BTBD19: variants seen among roughly 807,000 people sequenced by gnomAD.
BTBD19 encodes the protein BTB/POZ domain-containing protein 19.
Under a neutral mutation model 36.1 loss-of-function variants are expected in BTBD19, and 20 were observed. That is an observed-to-expected ratio of 0.55 (90% CI 0.39 to 0.80). The LOEUF is 0.80. Ranked by LOEUF, BTBD19 falls within the 30% of genes least tolerant of loss-of-function variation. BTBD19 has a pLI of 0.00. For synonymous variants in BTBD19, 157 were observed against 174.3 expected, an observed-to-expected ratio of 0.90 and a Z score of 0.78; for missense variants, 325 against 389.8, an observed-to-expected ratio of 0.83 and a Z score of 1.40.
chr1:44,810,031 C>T lies in BTBD19; in HGVS notation c.87-182C>T, dbSNP rs180844203. ...TAGGAAGTCACTTGCCTATGGTACC[C>T]ATTAGGTGGAGCTGGGACTAGAACT... On this transcript the variant is annotated intron_variant, in intron 1 of 7. Coordinates refer to ENST00000450269, the Ensembl canonical transcript of BTBD19. The surrounding 1 kb of genome is among the most constrained non-coding windows in gnomAD (Gnocchi z 4.2). Among the ~76,000 whole-genome samples, 1 of 152,340 alleles carries T rather than the reference C, an allele frequency of 6.6e-6. No individual in the cohort carries two copies. The highest frequency in any genetic ancestry group is 1.9e-4 in the East Asian group (1 of 5,190).
At chr1:44,809,824 A>G (rs1165919254) in intron 1 of BTBD19, among the ~76,000 whole-genome samples, 1 of 152,162 alleles carries the variant, frequency 6.6e-6, no homozygotes, top group Admixed American at 6.5e-5. Context: ...CTGGTGGAGG[A>G]GGAGCCAAAA....
chr1:44,811,898 T>C lies in BTBD19; in HGVS notation c.355-141T>C, dbSNP rs1056295759. The C allele has an allele frequency of 5.4e-6, 3 of 560,102 alleles. No homozygotes were observed. In the African/African-American group the frequency reaches 5.8e-5, roughly 11 times the overall value. 34.7% of individuals were successfully genotyped at this position (560,102 alleles called of 1,614,324 possible). A position where few individuals can be genotyped will look rare whatever the true frequency, so the allele number is the denominator to read the frequency against. Reference sequence around the variant, plus strand: ...GCTGTCTCAGGCTCTAGCAATTCCCTGCCTCCCCTGGCCTGGGTCAGGATG... The same window carrying C: ...GCTGTCTCAGGCTCTAGCAATTCCCCGCCTCCCCTGGCCTGGGTCAGGATG... On this transcript the variant is annotated intron_variant, in intron 3 of 7. Transcript: ENST00000450269.
At chr1:44,812,534 T>C (rs1405718432) in intron 4 of BTBD19, 9 of 437,866 alleles carry the variant, frequency 2.1e-5, no homozygotes, top group African/African-American at 6.1e-5. Flanking sequence ...TGAAACCCTG[T>C]CTCTATTAAA....
In BTBD19 at chr1:44,813,064, G is replaced by A. The variant is rs1339055873; in HGVS notation, c.483G>A (p.Gln161=). The A allele has an allele frequency of 1.3e-6, 2 of 1,551,188 alleles. No homozygotes were observed. The highest frequency in any genetic ancestry group is 8.7e-7 in the Non-Finnish European group (1 of 1,146,614). The change falls in exon 5 of 8, where the codon CAG becomes CAA. Residue 161 remains glutamine (Q), a splice_region_variant and synonymous_variant. Transcript: ENST00000450269. This position sits in a 1 kb window ranked among gnomAD's most constrained non-coding sequence, Gnocchi z 7.8. ...TGGCTTTCATAGAGGCCCACAGCCAGGTACTGCTCCCTTCATACTCCTCAC... is the reference window on the plus strand; with the variant it reads ...TGGCTTTCATAGAGGCCCACAGCCAAGTACTGCTCCCTTCATACTCCTCAC...
Position 44,813,705 on chromosome 1 carries a change from C to G in BTBD19, c.809C>G (p.Pro270Arg), listed in dbSNP as rs1470507552. The G allele has an allele frequency of 1.9e-6, 3 of 1,551,312 alleles. No individual in the cohort carries two copies. Among genetic ancestry groups the G allele is most frequent in the Admixed American group, 3.9e-5 (2 of 50,982 alleles). Residue 270 changes from proline to arginine, a missense_variant, in exon 8 of 8, where the codon CCG becomes CGG. Pro to Arg is a moderately radical substitution (Grantham distance 103). Coordinates refer to ENST00000450269, the Ensembl canonical transcript of BTBD19. The surrounding 1 kb of genome is among the most constrained non-coding windows in gnomAD (Gnocchi z 7.8). The stretch of plus-strand genomic sequence containing the variant: ...AGAGGGGATGAGGCCCGGGGCGCCC[C>G]GTGTCGCCGCCGGAGAGGCACCCTG...
At chr1:44,808,928 C>T (rs1225799261) in intron 1 of BTBD19, 22 bp downstream of exon 1, 28 of 1,517,416 alleles carry the variant, frequency 1.8e-5, no homozygotes, top group Middle Eastern at 1.7e-4. Context: ...GCCCTGCCTG[C>T]GGGTTTTTCT....
At chr1:44,809,109 G>C (rs926705541) in intron 1 of BTBD19, among the ~76,000 whole-genome samples, 1 of 152,160 alleles carries the variant, frequency 6.6e-6, no homozygotes, top group Non-Finnish European at 1.5e-5. Context: ...GGCAAGGCTG[G>C]CGGGGTGGAG....
At chr1:44,814,168 T>TTCTG (rs1257328222), downstream of BTBD19, 73 of 138,136 alleles carry the variant, frequency 5.3e-4, no homozygotes, top group Admixed American at 9.9e-4. Context: ...CTTTCTTTCT[T>TTCTG]TCTTTCTTTC....
exon 1 of BTBD19, chr1:44,808,556 C>T (rs1652242314): frequency 5.9e-6 from 2 of 340,332 alleles, no homozygotes; most frequent in Non-Finnish European, 1.1e-5. Context: ...CGCCGCCAGC[C>T]AGCCAGCTTC....
In BTBD19 at chr1:44,810,720, G is replaced by A. The variant is rs1652371263; in HGVS notation, c.354+113G>A. 1 of 1,065,640 alleles carries A rather than the reference G, an allele frequency of 9.4e-7. No homozygotes were observed. The highest frequency in any genetic ancestry group is 1.6e-5 in the African/African-American group (1 of 62,172). 66.0% of individuals were successfully genotyped at this position (1,065,640 alleles called of 1,614,324 possible). Reference sequence around the variant, plus strand: ...AGAGGAACGTGTGCCCACACAGAGAGAAGTATGTATATCTCTCCCAAGTAA... The same window carrying A: ...AGAGGAACGTGTGCCCACACAGAGAAAAGTATGTATATCTCTCCCAAGTAA... On this transcript the variant is annotated intron_variant, in intron 3 of 7. Coordinates refer to ENST00000450269, the Ensembl canonical transcript of BTBD19. The surrounding 1 kb of genome is among the most constrained non-coding windows in gnomAD (Gnocchi z 4.2).
chr1:44,815,514 G>A (rs1223711906), downstream of BTBD19: 6 of 152,114 alleles, frequency 3.9e-5, no homozygotes, highest in Non-Finnish European at 7.3e-5. Flanking sequence ...TGTCTTACTC[G>A]TTTCTGCTTC....
intron 4 of BTBD19, 81 bp downstream of exon 4, chr1:44,812,179 G>T: frequency 9.3e-7 from 1 of 1,069,630 alleles, no homozygotes; most frequent in Non-Finnish European, 1.3e-6. Context: ...GCCTGGGCCT[G>T]CTGTGTCTGG....
intron 4 of BTBD19, 129 bp downstream of exon 4, chr1:44,812,227 G>A (rs1652450478): frequency 1.6e-5 from 10 of 620,338 alleles, no homozygotes; most frequent in South Asian, 1.2e-4. Flanking sequence ...TGGTGGGGGT[G>A]CTCCAAGGAT....
At chr1:44,812,933 A>G in intron 4 of BTBD19, 63 bp from the exon 5 acceptor site, 1 of 1,429,258 alleles carries the variant, frequency 7.0e-7, no homozygotes, top group Non-Finnish European at 9.5e-7. Flanking sequence ...GGTGGGTCCC[A>G]GTGAGCAGGC....
rs1652565352 is a variant in BTBD19 at position 44,813,951 on chromosome 1, T to A, written c.*179T>A. The A allele has an allele frequency of 1.9e-6, 2 of 1,042,830 alleles. No homozygotes were observed. 64.6% of individuals were successfully genotyped at this position (1,042,830 alleles called of 1,614,324 possible). A position where few individuals can be genotyped will look rare whatever the true frequency, so the allele number is the denominator to read the frequency against. On this transcript the variant is annotated 3_prime_UTR_variant, in exon 8 of 8. Transcript: ENST00000450269. This position sits in a 1 kb window ranked among gnomAD's most constrained non-coding sequence, Gnocchi z 7.8. ...CCCCTTGTGCGGGATCAAGCCCGTG[T>A]GGGCGAGGTGGGGTCGGGCCGGGCA...
In BTBD19 at chr1:44,813,355, T is replaced by A; in HGVS notation, c.616-19T>A. 2 of 1,544,284 alleles carry A rather than the reference T, an allele frequency of 1.3e-6. No individual in the cohort carries two copies. Among genetic ancestry groups the A allele is most frequent in the African/African-American group, 1.4e-5 (1 of 73,156 alleles). On this transcript the variant is annotated intron_variant, in intron 6 of 7. Coordinates refer to ENST00000450269, the Ensembl canonical transcript of BTBD19. The surrounding 1 kb of genome is among the most constrained non-coding windows in gnomAD (Gnocchi z 7.8). ...GCGGGCGGCAGGACAGGTGCCCGAC[T>A]CAGGGCTGGCGTTTGCAGGCGGTGC...
At position 44,810,393 on chromosome 1, in the gene BTBD19, A is replaced by C; in HGVS notation, c.267A>C (p.Leu89=). 2 of 1,551,566 alleles carry C rather than the reference A, an allele frequency of 1.3e-6. No individual in the cohort carries two copies. Among genetic ancestry groups the C allele is most frequent in the Non-Finnish European group, 1.7e-6 (2 of 1,146,942 alleles). The change falls in exon 2 of 8, where the codon CTA becomes CTC. Residue 89 remains leucine, a synonymous_variant. Transcript: ENST00000450269. The surrounding 1 kb of genome is among the most constrained non-coding windows in gnomAD (Gnocchi z 4.2). ...CCTTCCTGGCAGTGCTGGAGTTCCT[A>C]TATACCAACAGTGTCAAGCTGTACC...
At position 44,813,771 on chromosome 1, in the gene BTBD19, G is replaced by A. The variant is rs1652552997; in HGVS notation, c.875G>A (p.Ter292=). The A allele has an allele frequency of 6.4e-7, 1 of 1,551,284 alleles. No individual in the cohort carries two copies. Among genetic ancestry groups the A allele is most frequent in the African/African-American group, 1.4e-5 (1 of 73,032 alleles). Residue 292 remains the stop codon, a stop_retained_variant, in exon 8 of 8, where the codon TGA becomes TAA. Transcript: ENST00000450269. The surrounding 1 kb of genome is among the most constrained non-coding windows in gnomAD (Gnocchi z 7.8). ...CGCTTTCTGGACCTGTCCTTCAAAT[G>A]ATCCAACGCCGGGACTCGCAGGGAG... is the stretch of plus-strand genomic sequence containing the variant.
rs1652559552 is a variant in BTBD19 at position 44,813,878 on chromosome 1, G to A, written c.*106G>A. On this transcript the variant is annotated 3_prime_UTR_variant, in exon 8 of 8. Coordinates refer to ENST00000450269, the Ensembl canonical transcript of BTBD19. This position sits in a 1 kb window ranked among gnomAD's most constrained non-coding sequence, Gnocchi z 7.8. ...TTCGGAGCGGGCTTCCGTTCCCAGCGTGCCCAGTGAGCCGGGCGCCGGAAG... is the reference window on the plus strand; with the variant it reads ...TTCGGAGCGGGCTTCCGTTCCCAGCATGCCCAGTGAGCCGGGCGCCGGAAG... 1.4e-6 allele frequency: 2 copies of A among 1,478,048 alleles called. No homozygotes were observed. The highest frequency in any genetic ancestry group is 1.2e-5 in the South Asian group (1 of 80,990). The allele number at this position is 1,478,048 out of a possible 1,614,324, so 91.6% of individuals were successfully genotyped here.
Sources: allele counts gnomAD v4.1 joint callset (sites outside exome capture counted in the v4.1 genomes callset), GRCh38; gene constraint gnomAD v4.1.1; non-coding constraint Gnocchi (gnomAD v3.1); transcripts MANE v1.5; gene names NCBI Gene and HGNC (gene_info 2026-07-23, HGNC 2026-07-21).